The following DCHS1 variants were observed in gnomAD, a reference collection of about 807,000 sequenced individuals.
DCHS1 encodes dachsous cadherin-related 1.
DCHS1 carries 78 observed loss-of-function variants against 213.9 expected under a neutral mutation model. The observed-to-expected ratio is 0.36, with a 90% confidence interval of 0.30 to 0.44. The LOEUF (loss-of-function observed/expected upper bound fraction) is 0.44, where lower values mean the gene tolerates loss of function less well. DCHS1 is among the 20% of genes least tolerant of loss of function. The pLI, the probability that DCHS1 is intolerant of heterozygous loss-of-function variation, is 1.00. For synonymous variants in DCHS1, 1,828 were observed against 1,873.7 expected (o/e 0.98, Z 0.63); for missense variants, 3,946 against 4,395.9 (o/e 0.90, Z 2.89).
In DCHS1 at chr11:6,633,774, T is replaced by C; in HGVS notation, c.2218+15A>G. ...GGGACCTGGGGGAAGGCCCCGGGAA[T>C]GGGAGGATCCTCACCTGATTGCTCA... On this transcript the variant is annotated intron_variant, in intron 4 of 20. Transcript: ENST00000299441. The C allele has an allele frequency of 1.2e-6, 2 of 1,609,834 alleles. No homozygotes were observed. Among genetic ancestry groups the C allele is most frequent in the Non-Finnish European group, 1.7e-6 (2 of 1,177,650 alleles).
intron 1 of DCHS1, among the ~76,000 whole-genome samples, chr11:6,643,029 A>T (rs1373746955): frequency 6.6e-6 from 1 of 152,180 alleles, no homozygotes; most frequent in Non-Finnish European, 1.5e-5. Context: ...GTCAAGGATG[A>T]TGCGCACATT....
rs768625142 is a variant in DCHS1, at chr11:6,628,675, G to A, written c.5317C>T (p.Arg1773Trp). 12 of 1,613,896 alleles carry A rather than the reference G, an allele frequency of 7.4e-6. No individual in the cohort carries two copies. The highest frequency in any genetic ancestry group is 6.7e-5 in the African/African-American group (5 of 74,928). The change falls in exon 13 of 21, where the codon CGG becomes TGG. Residue 1773 changes from arginine (R) to tryptophan (W), a missense_variant. This residue lies in a region of DCHS1 where 3,384 missense variants were observed against 3,780.1 expected (regional missense o/e 0.90). Transcript: ENST00000299441. This position sits in a 1 kb window ranked among gnomAD's most constrained non-coding sequence, Gnocchi z 4.3. ...GQDPQTLTML[R>W]ASDPDVGANG... Reference sequence around the variant, plus strand: ...GCTCCCACATCTGGATCAGAGGCCCGAAGCATGGTAAGGGTCTGGGGGTCC... The same window carrying A: ...GCTCCCACATCTGGATCAGAGGCCCAAAGCATGGTAAGGGTCTGGGGGTCC...
intron 1 of DCHS1, among the ~76,000 whole-genome samples, chr11:6,651,624 G>A (rs140921958): frequency 6.6e-6 from 1 of 152,294 alleles, no homozygotes; most frequent in East Asian, 1.9e-4. Flanking sequence ...AAAGTTAGGA[G>A]GCTCTTGCAA....
At chr11:6,644,503 C>T (rs573823650) in intron 1 of DCHS1, among the ~76,000 whole-genome samples, 10 of 152,348 alleles carry the variant, frequency 6.6e-5, no homozygotes, top group African/African-American at 2.2e-4. Context: ...TGTGCAGAGC[C>T]TATTATACAC....
chr11:6,642,305 C>G (rs749266222), intron 1 of DCHS1, among the ~76,000 whole-genome samples: 5 of 152,042 alleles, frequency 3.3e-5, no homozygotes, highest in African/African-American at 1.2e-4. Flanking sequence ...GATACCACAG[C>G]GAATAAAGGA....
In DCHS1 at chr11:6,647,325, C is replaced by T. The variant is rs138845457; in HGVS notation, c.-120-5592G>A. 1.5e-3 allele frequency among the ~76,000 whole-genome samples: 227 copies of T among 152,202 alleles called. 1 individual carries two copies. In the Middle Eastern group the frequency reaches 0.02, roughly 14 times the overall value. On this transcript the variant is annotated intron_variant, in intron 1 of 20. Transcript: ENST00000299441. ...GAGGCAGGAACAGCCACAGCCCCACCGGTGCGTGCTGGGCCAGAGCTGGAA... is the reference window on the plus strand; with the variant it reads ...GAGGCAGGAACAGCCACAGCCCCACTGGTGCGTGCTGGGCCAGAGCTGGAA...
intron 1 of DCHS1, among the ~76,000 whole-genome samples, chr11:6,646,980 A>T (rs1856167633): frequency 6.6e-6 from 1 of 152,064 alleles, no homozygotes; most frequent in South Asian, 2.1e-4. Context: ...GAGTGGCCCG[A>T]GGCGCTGAAG....
In DCHS1 at chr11:6,623,194, G is replaced by C. The variant is rs778237141; in HGVS notation, c.8482C>G (p.Arg2828Gly). Residue 2828 changes from arginine to glycine, a missense_variant, in exon 21 of 21, where the codon CGT (arginine) becomes GGT (glycine). Transcript: ENST00000299441. ...FHFQVPEGAR[R>G]GHSLGHVQAT... is the part of the protein sequence containing the mutation. ...TGCACGTGACCCAAGCTGTGGCCAC[G>C]CCGGGCACCTTCGGGCACTTGGAAG... 1 of 1,604,898 alleles carries C rather than the reference G, an allele frequency of 6.2e-7. No homozygotes were observed. The highest frequency in any genetic ancestry group is 1.1e-5 in the South Asian group (1 of 89,476).
chr11:6,625,834 G>C lies in DCHS1; in HGVS notation c.6731+86C>G. The C allele has an allele frequency of 1.3e-6, 2 of 1,581,232 alleles. No individual in the cohort carries two copies. Among genetic ancestry groups the C allele is most frequent in the Admixed American group, 3.6e-5 (2 of 56,174 alleles). On this transcript the variant is annotated intron_variant, in intron 17 of 20. Coordinates refer to ENST00000299441, the MANE Select transcript of DCHS1 (RefSeq NM_003737.4). This position sits in a 1 kb window ranked among gnomAD's most constrained non-coding sequence, Gnocchi z 5.3. ...CTTAGGGCTGGGGAATTCAGGATGT[G>C]GCCAAGGGACCAGATGAGTTCAAGG...
intron 5 of DCHS1, among the ~76,000 whole-genome samples, 169 bp downstream of exon 5, chr11:6,633,233 TATGCCTCATG>T (rs1370261011): frequency 1.4e-5 from 1 of 73,444 alleles, no homozygotes; most frequent in Admixed American, 1.5e-4. Flanking sequence ...GTGACATTCC[TATGCCTCATG>T]AAGCAGTGTG....
chr11:6,624,962 T>C, intron 19 of DCHS1, 94 bp from the exon 20 acceptor site: 1 of 1,546,320 alleles, frequency 6.5e-7, no homozygotes, highest in Non-Finnish European at 8.8e-7. Context: ...GTGCCCTGCT[T>C]GGCGTCTATT....
intron 1 of DCHS1, among the ~76,000 whole-genome samples, chr11:6,651,550 A>G (rs1856242500): frequency 6.6e-6 from 1 of 152,228 alleles, no homozygotes; most frequent in African/African-American, 2.4e-5. Flanking sequence ...TTTGTACTTT[A>G]GGAAGGTGTC....
In DCHS1 at chr11:6,627,778, G is replaced by A; in HGVS notation, c.5372-111C>T. ...GCACAAAAGCAAGTGAACCTTATGA[G>A]AGAAAGGAAGAAAAACAGAAACAGA... On this transcript the variant is annotated intron_variant, in intron 13 of 20. Transcript: ENST00000299441. The surrounding 1 kb of genome is among the most constrained non-coding windows in gnomAD (Gnocchi z 5.4). The A allele has an allele frequency of 8.5e-7, 1 of 1,170,518 alleles. No individual in the cohort carries two copies. The highest frequency in any genetic ancestry group is 1.2e-6 in the Non-Finnish European group (1 of 853,088). 72.5% of individuals were successfully genotyped at this position (1,170,518 alleles called of 1,614,324 possible).
rs780114083 is a variant in DCHS1, at chr11:6,640,719, T to C, written c.895A>G (p.Ser299Gly). The stretch of plus-strand genomic sequence containing the variant: ...ATGGAGAAGGGTCCATCACCCTCGC[T>C]CTGCCTCCGGTTGATCTCGTAAGTC... ...AVTYEINRRQ[S>G]EGDGPFSIDA... is the part of the protein sequence containing the mutation. Residue 299 changes from serine (S) to glycine (G), a missense_variant, in exon 2 of 21, where the codon AGC becomes GGC. Coordinates refer to ENST00000299441, the MANE Select transcript of DCHS1 (RefSeq NM_003737.4). This position sits in a 1 kb window ranked among gnomAD's most constrained non-coding sequence, Gnocchi z 6.5. 1 of 1,613,886 alleles carries C rather than the reference T, an allele frequency of 6.2e-7. No individual in the cohort carries two copies. Among genetic ancestry groups the C allele is most frequent in the Non-Finnish European group, 8.5e-7 (1 of 1,179,886 alleles).
At position 6,634,104 on chromosome 11, in the gene DCHS1, G is replaced by T. The variant is rs760884669; in HGVS notation, c.1986+14C>A. 1.3e-6 allele frequency: 2 copies of T among 1,599,292 alleles called. No homozygotes were observed. The highest frequency in any genetic ancestry group is 1.7e-6 in the Non-Finnish European group (2 of 1,170,944). ...ACCCCAACATCCCAACCTGCCCTTGGTCTACTGACTTACCCCATCCACAGC... is the reference window on the plus strand; with the variant it reads ...ACCCCAACATCCCAACCTGCCCTTGTTCTACTGACTTACCCCATCCACAGC... On this transcript the variant is annotated intron_variant, in intron 3 of 20. Transcript: ENST00000299441.
chr11:6,638,233 G>A (rs372544157), intron 2 of DCHS1, among the ~76,000 whole-genome samples: 1 of 152,236 alleles, frequency 6.6e-6, no homozygotes, highest in East Asian at 1.9e-4. Flanking sequence ...GTCTGGTGGA[G>A]TTTGGAGACA....
At chr11:6,653,616 G>A (rs1358349449) in intron 1 of DCHS1, among the ~76,000 whole-genome samples, 1 of 152,188 alleles carries the variant, frequency 6.6e-6, no homozygotes, top group Non-Finnish European at 1.5e-5. Flanking sequence ...TATTTATGAA[G>A]GGCCCAGTTG....
chr11:6,633,088 G>A, intron 5 of DCHS1, 32 bp from the exon 6 acceptor site: 2 of 1,568,076 alleles, frequency 1.3e-6, no homozygotes, highest in Non-Finnish European at 1.7e-6. Context: ...TCAGGAAAGA[G>A]ATGGAGGGGC....
intron 1 of DCHS1, among the ~76,000 whole-genome samples, chr11:6,652,166 T>C (rs1286196743): frequency 1.3e-5 from 2 of 152,168 alleles, no homozygotes; most frequent in Non-Finnish European, 2.9e-5. Context: ...AACTTTCCAC[T>C]TATTTGCCTG....
Sources: gnomAD v4.1 joint callset for allele counts (sites outside exome capture counted in the v4.1 genomes callset) on GRCh38, gnomAD v4.1.1 for gene constraint, gnomAD v4.1.1 regional missense constraint, Gnocchi (gnomAD v3.1) non-coding constraint, MANE v1.5 for transcripts, NCBI Gene and HGNC (gene_info 2026-07-23, HGNC 2026-07-21) for gene names.